XCR1: variants seen among roughly 807,000 people sequenced by gnomAD.
XCR1 encodes chemokine XC receptor 1.
For missense variants in XCR1, 356 were observed against 424.2 expected (o/e 0.84, Z 1.41); for synonymous variants, 187 against 188.5 (o/e 0.99, Z 0.06).
At chr3:46,022,173 T>G in intron 1 of XCR1, 195 bp from the exon 2 acceptor site, 43 of 471,690 alleles carry the variant, frequency 9.1e-5, no homozygotes, top group Middle Eastern at 5.8e-4. Flanking sequence ...TGGTGGCGCA[T>G]GCCTATAGTC....
chr3:46,065,103 G>T (rs892633933), intron 4 of XCR1, among the ~76,000 whole-genome samples: 7 of 150,176 alleles, frequency 4.7e-5, no homozygotes, highest in African/African-American at 7.4e-5. Context: ...AAAAAATAAA[G>T]AAATAAAAAA....
intron 5 of XCR1, among the ~76,000 whole-genome samples, chr3:46,045,169 C>T (rs1464784862): frequency 6.6e-6 from 1 of 151,964 alleles, no homozygotes; most frequent in Non-Finnish European, 1.5e-5. Flanking sequence ...ACCTGTAATC[C>T]CAGCACTTTG....
chr3:46,050,212 G>A (rs1354625381), intron 5 of XCR1, among the ~76,000 whole-genome samples: 2 of 152,152 alleles, frequency 1.3e-5, no homozygotes, highest in East Asian at 1.9e-4. Context: ...GCCGTAATTC[G>A]GCTTCTGCCT....
At chr3:46,023,239 C>G in intron 1 of XCR1, 1 of 595,388 alleles carries the variant, frequency 1.7e-6, no homozygotes, top group East Asian at 2.9e-5. Flanking sequence ...CGCTCCCCTG[C>G]GATCCCCTCC....
At chr3:46,068,093 A>G (rs938799758) in intron 3 of XCR1, among the ~76,000 whole-genome samples, 11 of 152,246 alleles carry the variant, frequency 7.2e-5, no homozygotes, top group Non-Finnish European at 1.5e-4. Flanking sequence ...AGTGGCTTAC[A>G]TAGAGGGAGG....
intron 5 of XCR1, among the ~76,000 whole-genome samples, chr3:46,050,692 G>A (rs776230515): frequency 2.0e-5 from 3 of 152,146 alleles, no homozygotes; most frequent in Non-Finnish European, 4.4e-5. Flanking sequence ...CATTGATAGT[G>A]AGACACGTTC....
At chr3:46,023,950 G>T in intron 1 of XCR1, 2 of 1,465,132 alleles carry the variant, frequency 1.4e-6, no homozygotes, top group South Asian at 2.3e-5. Flanking sequence ...TGTAGATGCT[G>T]ATTTTGTAGA....
At chr3:46,072,986 T>C (rs1231650488) in intron 3 of XCR1, among the ~76,000 whole-genome samples, 4 of 152,132 alleles carry the variant, frequency 2.6e-5, no homozygotes, top group African/African-American at 9.7e-5. Flanking sequence ...AGACAATTGA[T>C]CTTTGACAGA....
At chr3:46,060,384 G>A (rs1697937834) in intron 4 of XCR1, among the ~76,000 whole-genome samples, 1 of 152,144 alleles carries the variant, frequency 6.6e-6, no homozygotes, top group South Asian at 2.1e-4. Flanking sequence ...GGTGCCCTAA[G>A]GAATCTCTTG....
At chr3:46,051,584 G>A (rs1210282668) in intron 5 of XCR1, among the ~76,000 whole-genome samples, 1 of 152,178 alleles carries the variant, frequency 6.6e-6, no homozygotes, top group African/African-American at 2.4e-5. Flanking sequence ...ATGGGTTGGG[G>A]TAGATAGATT....
At chr3:46,024,743 T>G (rs1442534059) in intron 1 of XCR1, among the ~76,000 whole-genome samples, 3 of 152,196 alleles carry the variant, frequency 2.0e-5, no homozygotes, top group East Asian at 3.8e-4. Flanking sequence ...ATTACCAGTT[T>G]ACATGATTAA....
At chr3:46,034,518 A>T (rs542932979) in intron 5 of XCR1, among the ~76,000 whole-genome samples, 2 of 152,112 alleles carry the variant, frequency 1.3e-5, no homozygotes, top group Non-Finnish European at 2.9e-5. Flanking sequence ...GACAGAGGAC[A>T]TCCTTGACGT....
intron 1 of XCR1, among the ~76,000 whole-genome samples, chr3:46,079,448 G>C (rs1698318613): frequency 6.6e-6 from 1 of 152,016 alleles, no homozygotes; most frequent in Non-Finnish European, 1.5e-5. Flanking sequence ...TAAACAAAAA[G>C]ATCCTAAATC....
At chr3:46,061,738 TG>T (rs1473063758) in intron 4 of XCR1, among the ~76,000 whole-genome samples, 2 of 151,862 alleles carry the variant, frequency 1.3e-5, no homozygotes, top group Non-Finnish European at 2.9e-5. Flanking sequence ...GTACAGAGGA[TG>T]GGGGTTAGGC....
At position 46,019,204 on chromosome 3, in the gene XCR1, G is replaced by A. The variant is rs921599535; in HGVS notation, c.*1742C>T. 6.6e-6 allele frequency: 1 copy of A among 152,164 alleles called. No individual in the cohort carries two copies. The highest frequency in any genetic ancestry group is 1.9e-4 in the East Asian group (1 of 5,186). 9.4% of individuals were successfully genotyped at this position (152,164 alleles called of 1,614,324 possible). The stretch of plus-strand genomic sequence containing the variant: ...ACTACTCTCTGAGAGTGTAGACTAG[G>A]AAAGAAAGGTTAATATTTATAGAGA... On this transcript the variant is annotated 3_prime_UTR_variant, in exon 2 of 2. Transcript: ENST00000309285.
At chr3:46,049,997 A>G (rs1485246309) in intron 5 of XCR1, among the ~76,000 whole-genome samples, 1 of 152,192 alleles carries the variant, frequency 6.6e-6, no homozygotes, top group African/African-American at 2.4e-5. Context: ...CATAGTCACA[A>G]TTTGTGTAAT....
At chr3:46,029,267 G>A (rs868172753), upstream of XCR1, among the ~76,000 whole-genome samples, 7 of 152,224 alleles carry the variant, frequency 4.6e-5, no homozygotes, top group African/African-American at 7.2e-5. Flanking sequence ...GTAGTGGTGC[G>A]ATCATGGCTC....
intron 1 of XCR1, among the ~76,000 whole-genome samples, chr3:46,077,106 C>G (rs1167406260): frequency 6.6e-6 from 1 of 152,088 alleles, no homozygotes; most frequent in Non-Finnish European, 1.5e-5. Flanking sequence ...TATAAAATGC[C>G]ATATACCATA....
At chr3:46,067,022 G>C (rs562875063) in intron 3 of XCR1, among the ~76,000 whole-genome samples, 7 of 152,350 alleles carry the variant, frequency 4.6e-5, no homozygotes, top group African/African-American at 1.7e-4. Flanking sequence ...GCTGAAGGGA[G>C]GACAGGAGCA....
Sources: allele counts gnomAD v4.1 joint callset (sites outside exome capture counted in the v4.1 genomes callset), GRCh38; gene constraint gnomAD v4.1.1; transcripts MANE v1.5; gene names NCBI Gene and HGNC (gene_info 2026-07-23, HGNC 2026-07-21).